The following FREM3 variants were observed in gnomAD, a reference collection of about 807,000 sequenced individuals.
FREM3 encodes the protein FRAS1 related extracellular matrix 3.
A neutral mutation model predicts 129.1 loss-of-function variants in FREM3; 105 were observed. The ratio of observed to expected loss-of-function variants is 0.81; its 90% confidence interval spans 0.69 to 0.96. FREM3 has a LOEUF of 0.96. FREM3 is among the 40% of genes least tolerant of loss of function. FREM3 has a pLI of 0.00. For synonymous variants in FREM3, 1,014 were observed against 1,044.9 expected (o/e 0.97, Z 0.57); for missense variants, 2,593 against 2,666.3 (o/e 0.97, Z 0.61).
At chr4:143,579,609 C>T (rs1215572527) in intron 7 of FREM3, among the ~76,000 whole-genome samples, 1 of 152,092 alleles carries the variant, frequency 6.6e-6, no homozygotes, top group Non-Finnish European at 1.5e-5. Context: ...TTTTCTTCAA[C>T]TGCAAAATGG....
Position 143,700,562 on chromosome 4 carries a change from G to A in FREM3, c.114C>T (p.Thr38=). 2.6e-6 allele frequency: 4 copies of A among 1,510,226 alleles called. No homozygotes were observed. The highest frequency in any genetic ancestry group is 3.5e-6 in the Non-Finnish European group (4 of 1,131,394). The allele number at this position is 1,510,226 out of a possible 1,614,324, so 93.6% of individuals were successfully genotyped here. Residue 38 remains threonine (T), a synonymous_variant, in exon 1 of 8, where the codon ACC becomes ACT. Coordinates refer to ENST00000329798, the MANE Select transcript of FREM3 (RefSeq NM_001168235.2). ...ALQGRASSLG[T]EPDPALYLPA... is the part of the protein sequence containing the mutation. ...GCAGGTAAAGCGCCGGGTCGGGCTCGGTCCCAAGTGAGGATGCCCGTCCCT... is the reference window on the plus strand; with the variant it reads ...GCAGGTAAAGCGCCGGGTCGGGCTCAGTCCCAAGTGAGGATGCCCGTCCCT...
chr4:143,587,471 T>G (rs553548147), intron 6 of FREM3, among the ~76,000 whole-genome samples: 1 of 152,300 alleles, frequency 6.6e-6, no homozygotes, highest in South Asian at 2.1e-4. Context: ...CATGTAGTAA[T>G]TGTATGTATT....
chr4:143,653,524 C>T (rs983196232), intron 2 of FREM3, among the ~76,000 whole-genome samples: 1 of 152,192 alleles, frequency 6.6e-6, no homozygotes, highest in Non-Finnish European at 1.5e-5. Context: ...GATGCACACA[C>T]ACACATACAC....
At chr4:143,597,042 G>A (rs1219405271) in intron 6 of FREM3, among the ~76,000 whole-genome samples, 2 of 152,144 alleles carry the variant, frequency 1.3e-5, no homozygotes, top group African/African-American at 4.8e-5. Flanking sequence ...TACTATGGAT[G>A]AATAAAAAGA....
At chr4:143,641,491 G>A (rs1373612954) in intron 2 of FREM3, among the ~76,000 whole-genome samples, 1 of 152,136 alleles carries the variant, frequency 6.6e-6, no homozygotes, top group Middle Eastern at 3.2e-3. Flanking sequence ...TTCTTTTTGA[G>A]GTTTAATAAA....
At position 143,655,660 on chromosome 4, in the gene FREM3, G is replaced by A. The variant is rs74409152; in HGVS notation, c.5276-27900C>T. ...GCTCCATTGAGGAAATACCATTTAAGTTATTTTGAATTCGTATCAAAAACC... is the reference window on the plus strand; with the variant it reads ...GCTCCATTGAGGAAATACCATTTAAATTATTTTGAATTCGTATCAAAAACC... On this transcript the variant is annotated intron_variant, in intron 2 of 7. Transcript: ENST00000329798. Among the ~76,000 whole-genome samples, 481 of 152,236 alleles carry A rather than the reference G, an allele frequency of 3.2e-3. 1 individual carries two copies. Among genetic ancestry groups the A allele is most frequent in the African/African-American group, 8.9e-3 (368 of 41,536 alleles).
At chr4:143,647,796 C>A (rs1273783106) in intron 2 of FREM3, among the ~76,000 whole-genome samples, 1 of 152,144 alleles carries the variant, frequency 6.6e-6, no homozygotes, top group South Asian at 2.1e-4. Flanking sequence ...CTATGGAGAA[C>A]CCCTTTTAGG....
At chr4:143,591,150 T>C (rs1055092960) in intron 6 of FREM3, among the ~76,000 whole-genome samples, 1 of 152,230 alleles carries the variant, frequency 6.6e-6, no homozygotes, top group African/African-American at 2.4e-5. Flanking sequence ...TTGGTCTTGC[T>C]AGCAGTCTAT....
chr4:143,658,258 G>A (rs1311237332), intron 2 of FREM3, among the ~76,000 whole-genome samples: 1 of 152,182 alleles, frequency 6.6e-6, no homozygotes, highest in Non-Finnish European at 1.5e-5. Flanking sequence ...TGGTCATGAA[G>A]GTTCTGCCCT....
Position 143,697,150 on chromosome 4 carries a change from AGTT to A in FREM3, c.3523_3525del (p.Asn1175del), listed in dbSNP as rs1380380088. On this transcript the variant is annotated inframe_deletion, in exon 1 of 8. Coordinates refer to ENST00000329798, the MANE Select transcript of FREM3 (RefSeq NM_001168235.2). ...ATAGGGAAGAAGACATTTGGGGAGA[AGTT>A]GATGCCATCAGAGCAATAAAAGGTG... 1.3e-6 allele frequency: 2 copies of A among 1,537,772 alleles called. No homozygotes were observed. The highest frequency in any genetic ancestry group is 3.9e-5 in the Admixed American group (2 of 50,988).
intron 2 of FREM3, among the ~76,000 whole-genome samples, chr4:143,684,940 C>A (rs964467520): frequency 6.6e-6 from 1 of 150,896 alleles, no homozygotes; most frequent in Admixed American, 6.6e-5. Context: ...TTCAAATTAA[C>A]CCAATCCAAG....
intron 6 of FREM3, among the ~76,000 whole-genome samples, chr4:143,594,629 A>G (rs1738434601): frequency 2.0e-5 from 3 of 152,240 alleles, no homozygotes; most frequent in South Asian, 2.1e-4. Flanking sequence ...AAGGGCAAGA[A>G]GTGAGAAAGG....
At position 143,577,876 on chromosome 4, in the gene FREM3, G is replaced by A. The variant is rs1447383548; in HGVS notation, c.6179-24C>T. Reference sequence around the variant, plus strand: ...AGCTAGTGAAAAAGGAAAAGGCACTGGTGAGACAGTAGGATTTGTCATAAG... The same window carrying A: ...AGCTAGTGAAAAAGGAAAAGGCACTAGTGAGACAGTAGGATTTGTCATAAG... On this transcript the variant is annotated intron_variant, in intron 7 of 7. Transcript: ENST00000329798. 3 of 1,526,948 alleles carry A rather than the reference G, an allele frequency of 2.0e-6. No individual in the cohort carries two copies. In the East Asian group the frequency reaches 7.3e-5, roughly 37 times the overall value. The allele number at this position is 1,526,948 out of a possible 1,614,324, so 94.6% of individuals were successfully genotyped here.
chr4:143,681,098 C>G (rs1740240513), intron 2 of FREM3, among the ~76,000 whole-genome samples: 1 of 151,986 alleles, frequency 6.6e-6, no homozygotes, highest in South Asian at 2.1e-4. Flanking sequence ...AGTTAAATAT[C>G]TATAGTACAT....
In FREM3 at chr4:143,696,684, T is replaced by C; in HGVS notation, c.3992A>G (p.Lys1331Arg). The C allele has an allele frequency of 6.5e-7, 1 of 1,537,896 alleles. No homozygotes were observed. Among genetic ancestry groups the C allele is most frequent in the Non-Finnish European group, 8.7e-7 (1 of 1,147,062 alleles). ...ATCATCTGAGTCAAGATCTGTGGCCTTGAGGATCCGATTTGTGATGATCTC... is the reference window on the plus strand; with the variant it reads ...ATCATCTGAGTCAAGATCTGTGGCCCTGAGGATCCGATTTGTGATGATCTC... Reference protein sequence around the residue: ...HSEIITNRILKATDLDSDDKS... With the variant: ...HSEIITNRILRATDLDSDDKS... Residue 1331 changes from lysine (K) to arginine (R), a missense_variant, in exon 1 of 8, where the codon AAG becomes AGG. By Grantham distance (26) the Lys-to-Arg change is conservative (BLOSUM62 2). Coordinates refer to ENST00000329798, the MANE Select transcript of FREM3 (RefSeq NM_001168235.2).
rs141689840 is a variant in FREM3, at chr4:143,600,078, T to C, written c.6028+11201A>G. Among the ~76,000 whole-genome samples the C allele has an allele frequency of 9.2e-5, 14 of 152,286 alleles. No homozygotes were observed. In the East Asian group the frequency reaches 2.5e-3, roughly 27 times the overall value. On this transcript the variant is annotated intron_variant, in intron 6 of 7. Coordinates refer to ENST00000329798, the MANE Select transcript of FREM3 (RefSeq NM_001168235.2). Reference sequence around the variant, plus strand: ...TAGTCTGTGCCCTGGAGCAGAGGCATAGGAATTTTTAAAGAAGCCCTTAAA... The same window carrying C: ...TAGTCTGTGCCCTGGAGCAGAGGCACAGGAATTTTTAAAGAAGCCCTTAAA...
In FREM3 at chr4:143,697,718, G is replaced by A. The variant is rs1740602711; in HGVS notation, c.2958C>T (p.Phe986=). The change falls in exon 1 of 8, where the codon TTC becomes TTT. Residue 986 remains phenylalanine (F), a synonymous_variant. Transcript: ENST00000329798. ...CCAGTTTGGGGCTGTCCTTTACAAT[G>A]AAAGACAGCATCAAGTCACCTACAT... The part of the protein sequence containing the change: ...RKDVGDLMLS[F]IVKDSPKLGT... 1 of 1,537,546 alleles carries A rather than the reference G, an allele frequency of 6.5e-7. No individual in the cohort carries two copies. The highest frequency in any genetic ancestry group is 2.0e-5 in the Admixed American group (1 of 50,976).
At chr4:143,684,974 TG>T (rs1740333183) in intron 2 of FREM3, among the ~76,000 whole-genome samples, 1 of 151,984 alleles carries the variant, frequency 6.6e-6, no homozygotes, top group Non-Finnish European at 1.5e-5. Flanking sequence ...TAAGAAAATA[TG>T]AACAAAGCCT....
chr4:143,662,878 G>T (rs987929311), intron 2 of FREM3, among the ~76,000 whole-genome samples: 2 of 151,924 alleles, frequency 1.3e-5, no homozygotes, highest in Admixed American at 6.6e-5. Flanking sequence ...GGTTTAAAGT[G>T]TGTTTTATCA....
Sources: gnomAD v4.1 joint callset for allele counts (sites outside exome capture counted in the v4.1 genomes callset) on GRCh38, gnomAD v4.1.1 for gene constraint, MANE v1.5 for transcripts, NCBI Gene and HGNC (gene_info 2026-07-23, HGNC 2026-07-21) for gene names.